Variants in SYTL3 observed in about 807,000 individuals in gnomAD.
SYTL3 encodes the protein synaptotagmin like 3, also known as synaptotagmin-like protein 3.
Under a neutral mutation model 82.1 loss-of-function variants are expected in SYTL3, and 88 were observed. The observed-to-expected ratio is 1.07, with a 90% CI of 0.90 to 1.28. The LOEUF (loss-of-function observed/expected upper bound fraction) is 1.28, where lower values mean the gene tolerates loss of function less well. Among genes scored for constraint, SYTL3 ranks in the 50% most tolerant of loss-of-function variants. The pLI is 0.00. For synonymous variants in SYTL3, 311 were observed against 289.4 expected (o/e 1.07, Z -0.76); for missense variants, 831 against 757.6 (o/e 1.10, Z -1.14).
chr6:158,710,469 A>G (rs1482047182), intron 8 of SYTL3, among the ~76,000 whole-genome samples: 1 of 152,164 alleles, frequency 6.6e-6, no homozygotes, highest in Non-Finnish European at 1.5e-5. Flanking sequence ...TGTACATGTC[A>G]GAGTCATGGT....
At chr6:158,649,768 C>G (rs1406455884), upstream of SYTL3, among the ~76,000 whole-genome samples, 1 of 152,224 alleles carries the variant, frequency 6.6e-6, no homozygotes, top group Non-Finnish European at 1.5e-5. Flanking sequence ...AGGCTGTAGT[C>G]TCTGTAGGGA....
At chr6:158,721,866 C>G (rs1051739340) in intron 10 of SYTL3, among the ~76,000 whole-genome samples, 5 of 151,526 alleles carry the variant, frequency 3.3e-5, no homozygotes, top group Non-Finnish European at 7.4e-5. Context: ...CTCCTGAGCT[C>G]AATCGGATGC....
intron 5 of SYTL3, among the ~76,000 whole-genome samples, chr6:158,681,523 C>A (rs1778695036): frequency 6.6e-6 from 1 of 152,026 alleles, no homozygotes; most frequent in African/African-American, 2.4e-5. Flanking sequence ...ACTAAAAATA[C>A]AAAAATTAGC....
At chr6:158,752,082 G>GCGC in intron 13 of SYTL3, 52 bp downstream of exon 13, 1 of 1,342,910 alleles carries the variant, frequency 7.4e-7, no homozygotes, top group Non-Finnish European at 1.0e-6. Context: ...CCCGGGTGGA[G>GCGC]CGCCTGGGGC....
At chr6:158,743,243 T>C (rs1194207796) in intron 11 of SYTL3, among the ~76,000 whole-genome samples, 1 of 152,218 alleles carries the variant, frequency 6.6e-6, no homozygotes, top group African/African-American at 2.4e-5. Flanking sequence ...CAGGGACTTA[T>C]GCCTTGAAGT....
At chr6:158,705,112 T>C (rs1254392594) in intron 6 of SYTL3, among the ~76,000 whole-genome samples, 134 of 47,620 alleles carry the variant, frequency 2.8e-3, no homozygotes, top group Admixed American at 3.2e-3. Context: ...AGGAGGGACC[T>C]GGGGACAGGG....
chr6:158,688,180 T>G (rs1779488808), intron 6 of SYTL3, among the ~76,000 whole-genome samples: 1 of 152,262 alleles, frequency 6.6e-6, no homozygotes, highest in South Asian at 2.1e-4. Flanking sequence ...TTCCCGAGTG[T>G]CTGTGAGTAT....
At chr6:158,702,537 G>C (rs999844752) in intron 6 of SYTL3, among the ~76,000 whole-genome samples, 1 of 150,826 alleles carries the variant, frequency 6.6e-6, no homozygotes, top group South Asian at 2.1e-4. Context: ...GTAAAACCCC[G>C]TCTCAAAAAC....
intron 6 of SYTL3, 76 bp from the exon 7 acceptor site, chr6:158,707,154 A>G (rs1782190692): frequency 1.4e-6 from 2 of 1,385,766 alleles, no homozygotes; most frequent in East Asian, 2.3e-5. Context: ...AATAATTTTA[A>G]TCTACTATTT....
intron 11 of SYTL3, among the ~76,000 whole-genome samples, chr6:158,733,864 G>A (rs977927130): frequency 4.7e-4 from 71 of 150,974 alleles, no homozygotes; most frequent in African/African-American, 1.6e-3. Context: ...TTGGGAGGCC[G>A]AGGAGGGCGG....
Position 158,725,656 on chromosome 6 carries a change from C to A in SYTL3, c.855+19C>A. ...TAGACACGTGAGTCTCATTCCAATG[C>A]TCTTTTTTTGTTTTTTTGTTTTTTG... On this transcript the variant is annotated intron_variant, in intron 11 of 17. Coordinates refer to ENST00000611299, the MANE Select transcript of SYTL3 (RefSeq NM_001242394.2). The A allele has an allele frequency of 5.0e-6, 8 of 1,596,136 alleles. No individual in the cohort carries two copies. Among genetic ancestry groups the A allele is most frequent in the Non-Finnish European group, 6.8e-6 (8 of 1,172,522 alleles).
At chr6:158,731,558 C>T (rs1222964674) in intron 11 of SYTL3, among the ~76,000 whole-genome samples, 6 of 151,950 alleles carry the variant, frequency 3.9e-5, no homozygotes, top group African/African-American at 1.5e-4. Flanking sequence ...CTCTCTTTTT[C>T]TTTTCTTCCC....
upstream of SYTL3, among the ~76,000 whole-genome samples, chr6:158,645,755 G>A (rs148854390): frequency 3.5e-4 from 54 of 152,142 alleles, no homozygotes; most frequent in Admixed American, 5.9e-4. Context: ...CTAACCCAAC[G>A]ACTCCTCCCT....
intron 12 of SYTL3, among the ~76,000 whole-genome samples, chr6:158,748,073 G>GT (rs769328691): frequency 0.039 from 4,789 of 122,878 alleles, 109 homozygotes; most frequent in Non-Finnish European, 0.052. Flanking sequence ...TCTTCTTATC[G>GT]TTTTTTTTTT....
In SYTL3 at chr6:158,682,986, G is replaced by A; in HGVS notation, c.391G>A (p.Gly131Arg). 6.2e-7 allele frequency: 1 copy of A among 1,606,122 alleles called. No homozygotes were observed. The highest frequency in any genetic ancestry group is 8.5e-7 in the Non-Finnish European group (1 of 1,172,932). Residue 131 changes from glycine to arginine, a missense_variant, in exon 6 of 18, where the codon GGA (glycine) becomes AGA (arginine). By Grantham distance (125) the Gly-to-Arg change is moderately radical. Transcript: ENST00000611299. ...YEERAKKFPT[G>R]GKHETVGGQL... is the part of the protein sequence containing the mutation. ...GGAACGAGCCAAGAAATTTCCAACT[G>A]GAGGTAAATGCTCTTTACTTTTTTA... is the stretch of plus-strand genomic sequence containing the variant.
chr6:158,685,216 C>CTT (rs545473762), intron 6 of SYTL3, among the ~76,000 whole-genome samples: 6 of 135,662 alleles, frequency 4.4e-5, no homozygotes, highest in Admixed American at 1.5e-4. Flanking sequence ...CTCTCTCTCT[C>CTT]TTTTTTTTTT....
chr6:158,760,634 C>A lies in SYTL3; in HGVS notation c.1309-6C>A. ...CCTGTCCCTAAGCTCTGCCTCTTGT[C>A]CCCAGGCGGAGAAATACGAAGACAG... On this transcript the variant is annotated splice_region_variant and splice_polypyrimidine_tract_variant and intron_variant, in intron 14 of 17. Transcript: ENST00000611299. The A allele has an allele frequency of 6.2e-7, 1 of 1,612,584 alleles. No homozygotes were observed. Among genetic ancestry groups the A allele is most frequent in the South Asian group, 1.1e-5 (1 of 91,014 alleles).
intron 6 of SYTL3, among the ~76,000 whole-genome samples, chr6:158,705,644 T>TAA (rs1781992613): frequency 3.6e-5 from 1 of 27,500 alleles, no homozygotes; most frequent in Non-Finnish European, 7.1e-5. Flanking sequence ...AGGGTGACAG[T>TAA]GAGGGCTGTA....
intron 6 of SYTL3, among the ~76,000 whole-genome samples, chr6:158,692,773 TAAAAAAAAAA>T (rs35173536): frequency 8.2e-6 from 1 of 121,694 alleles, no homozygotes; most frequent in South Asian, 2.6e-4. Flanking sequence ...CCGTCTCTAC[TAAAAAAAAAA>T]AAAAAAAAAT....
Sources: allele counts gnomAD v4.1 joint callset (sites outside exome capture counted in the v4.1 genomes callset), GRCh38; gene constraint gnomAD v4.1.1; transcripts MANE v1.5; gene names NCBI Gene and HGNC (gene_info 2026-07-23, HGNC 2026-07-21).